NRG1: variants seen among roughly 807,000 people sequenced by gnomAD.
NRG1 encodes pro-neuregulin-1, membrane-bound isoform.
NRG1 carries 18 observed loss-of-function variants against 63.8 expected under a neutral mutation model. That is an observed-to-expected ratio of 0.28 (90% CI 0.19 to 0.42). The LOEUF (loss-of-function observed/expected upper bound fraction) is 0.42, where lower values mean the gene tolerates loss of function less well. Among genes scored for constraint, NRG1 ranks in the 10% least tolerant of loss-of-function variants. NRG1 has a pLI of 1.00. For synonymous variants in NRG1, 302 were observed against 301.3 expected, an observed-to-expected ratio of 1.00 and a Z score of -0.02; for missense variants, 762 against 814.7, an observed-to-expected ratio of 0.94 and a Z score of 0.79.
At chr8:32,422,378 G>T (rs775339114) in intron 1 of NRG1, among the ~76,000 whole-genome samples, 7 of 152,038 alleles carry the variant, frequency 4.6e-5, no homozygotes, top group Admixed American at 1.3e-4. Context: ...AATTAAAACA[G>T]ATATCAATAT....
intron 1 of NRG1, among the ~76,000 whole-genome samples, chr8:31,770,737 G>T (rs1818536511): frequency 6.7e-6 from 1 of 148,556 alleles, no homozygotes. Context: ...TACACGTTGT[G>T]CACATGTACC....
intron 1 of NRG1, among the ~76,000 whole-genome samples, chr8:32,508,354 G>A (rs964285083): frequency 3.3e-5 from 5 of 151,356 alleles, no homozygotes; most frequent in East Asian, 3.9e-4. Flanking sequence ...GTAGTGGTGC[G>A]ATCGCTGCTC....
intron 7 of NRG1, chr8:32,749,501 G>C: frequency 6.4e-7 from 1 of 1,562,752 alleles, no homozygotes; most frequent in South Asian, 1.1e-5. Context: ...GCAGTGTATT[G>C]CTCTTTTCTG....
At chr8:32,219,560 A>G (rs1845597339) in intron 1 of NRG1, among the ~76,000 whole-genome samples, 1 of 152,222 alleles carries the variant, frequency 6.6e-6, no homozygotes, top group Admixed American at 6.5e-5. Flanking sequence ...TATGGGTTAC[A>G]AACGTCTATT....
intron 1 of NRG1, among the ~76,000 whole-genome samples, chr8:32,154,028 C>A (rs1837792965): frequency 6.6e-6 from 1 of 152,162 alleles, no homozygotes; most frequent in Non-Finnish European, 1.5e-5. Context: ...CAGGCAGATT[C>A]TTTGGTGAAG....
chr8:32,100,118 C>A (rs1830384815), intron 1 of NRG1, among the ~76,000 whole-genome samples: 2 of 151,984 alleles, frequency 1.3e-5, no homozygotes, highest in Non-Finnish European at 2.9e-5. Context: ...CCTTCCCCCT[C>A]TTTTCCTCCT....
intron 1 of NRG1, among the ~76,000 whole-genome samples, chr8:31,855,129 T>C (rs1165929287): frequency 6.6e-5 from 10 of 152,148 alleles, no homozygotes; most frequent in South Asian, 2.1e-4. Context: ...CTATTAGGTC[T>C]GCTTGGTGCA....
intron 1 of NRG1, among the ~76,000 whole-genome samples, chr8:32,302,429 T>G (rs1855681213): frequency 6.6e-6 from 1 of 152,190 alleles, no homozygotes; most frequent in African/African-American, 2.4e-5. Context: ...GTGTGTAAAC[T>G]TACGTGTAGG....
At chr8:31,759,574 T>C (rs1817324041) in intron 1 of NRG1, among the ~76,000 whole-genome samples, 1 of 152,126 alleles carries the variant, frequency 6.6e-6, no homozygotes, top group African/African-American at 2.4e-5. Flanking sequence ...ATGGACTCCA[T>C]ATTTTGTTGT....
intron 1 of NRG1, among the ~76,000 whole-genome samples, chr8:32,026,555 A>G (rs1490075347): frequency 6.6e-6 from 1 of 152,114 alleles, no homozygotes; most frequent in East Asian, 1.9e-4. Flanking sequence ...TTATTCTTGC[A>G]GTCAACTTTA....
chr8:32,626,615 G>C (rs1253148544), intron 5 of NRG1, among the ~76,000 whole-genome samples: 1 of 152,078 alleles, frequency 6.6e-6, no homozygotes, highest in Admixed American at 6.5e-5. Flanking sequence ...GGGAGGTGGA[G>C]TTTGCAGTGA....
At chr8:31,890,590 C>G (rs2129613883) in intron 1 of NRG1, among the ~76,000 whole-genome samples, 1 of 152,230 alleles carries the variant, frequency 6.6e-6, no homozygotes, top group Non-Finnish European at 1.5e-5. Flanking sequence ...GGCACGTCCT[C>G]AGAATGAAAG....
chr8:32,022,762 T>C (rs1816656137), intron 1 of NRG1, among the ~76,000 whole-genome samples: 1 of 152,180 alleles, frequency 6.6e-6, no homozygotes, highest in Admixed American at 6.5e-5. Context: ...TCACTGTACC[T>C]GGTACAATCA....
chr8:32,467,798 C>T (rs1780024364), intron 1 of NRG1, among the ~76,000 whole-genome samples: 1 of 152,206 alleles, frequency 6.6e-6, no homozygotes, highest in African/African-American at 2.4e-5. Context: ...TCAATGACAT[C>T]AGAAACGGCC....
intron 5 of NRG1, among the ~76,000 whole-genome samples, chr8:32,691,180 G>A (rs1811530806): frequency 6.6e-6 from 1 of 152,060 alleles, no homozygotes; most frequent in Non-Finnish European, 1.5e-5. Context: ...GCCAAATGGT[G>A]AAACCCTGTC....
chr8:32,150,184 A>G (rs991945256), intron 1 of NRG1, among the ~76,000 whole-genome samples: 1 of 122,548 alleles, frequency 8.2e-6, no homozygotes, highest in African/African-American at 2.6e-5. Context: ...TTTTATGTAC[A>G]TGAAGGGAAA....
At chr8:32,510,543 C>T (rs1280263503) in intron 1 of NRG1, among the ~76,000 whole-genome samples, 1 of 152,084 alleles carries the variant, frequency 6.6e-6, no homozygotes, top group African/African-American at 2.4e-5. Flanking sequence ...TCGCAGGACT[C>T]TAATAAAATG....
intron 1 of NRG1, among the ~76,000 whole-genome samples, chr8:32,568,633 T>C: frequency 6.6e-6 from 1 of 152,182 alleles, no homozygotes; most frequent in Non-Finnish European, 1.5e-5. Flanking sequence ...GGAATGAAGC[T>C]GTCCGGGATA....
At chr8:32,129,986 CA>C (rs1477045783) in intron 1 of NRG1, among the ~76,000 whole-genome samples, 13 of 151,830 alleles carry the variant, frequency 8.6e-5, no homozygotes, top group African/African-American at 3.1e-4. Flanking sequence ...TATGATAATC[CA>C]TCACCAAATA....
Sources: allele counts gnomAD v4.1 joint callset (sites outside exome capture counted in the v4.1 genomes callset), GRCh38; gene constraint gnomAD v4.1.1; transcripts MANE v1.5; gene names NCBI Gene and HGNC (gene_info 2026-07-23, HGNC 2026-07-21).